Variants in CTNND2 observed in about 807,000 individuals in gnomAD.
CTNND2 encodes the protein catenin delta-2.
In CTNND2, 22 loss-of-function variants were observed where a neutral mutation model predicts 144.4. That is an observed-to-expected ratio of 0.15 (90% confidence interval 0.11 to 0.22). CTNND2 has a LOEUF of 0.22. CTNND2 is among the 10% of genes least tolerant of loss of function. The pLI is 1.00. For missense variants in CTNND2, 1,353 were observed against 1,618.8 expected (o/e 0.84, Z 2.82); for synonymous variants, 751 against 695.6 (o/e 1.08, Z -1.25).
chr5:11,820,291 A>C (rs1006443143), intron 1 of CTNND2, among the ~76,000 whole-genome samples: 1 of 152,220 alleles, frequency 6.6e-6, no homozygotes, highest in African/African-American at 2.4e-5. Flanking sequence ...CTTGAGATCC[A>C]AGGCTGCCTC....
intron 16 of CTNND2, among the ~76,000 whole-genome samples, chr5:11,082,441 C>T (rs1749673474): frequency 6.6e-6 from 1 of 152,200 alleles, no homozygotes; most frequent in African/African-American, 2.4e-5. Context: ...CAACGGTATC[C>T]TGTGCCGAGC....
intron 3 of CTNND2, among the ~76,000 whole-genome samples, chr5:11,454,955 A>G (rs1201547738): frequency 6.6e-6 from 1 of 151,362 alleles, no homozygotes; most frequent in African/African-American, 2.4e-5. Context: ...TAAAAATCAG[A>G]AAAAAAAATT....
At chr5:11,344,727 G>C (rs1346161656) in intron 9 of CTNND2, among the ~76,000 whole-genome samples, 1 of 151,776 alleles carries the variant, frequency 6.6e-6, no homozygotes, top group East Asian at 1.9e-4. Context: ...TTGGTTTATA[G>C]CAGGCACTCA....
chr5:11,003,453 G>A (rs564970352), intron 18 of CTNND2, among the ~76,000 whole-genome samples: 28 of 152,264 alleles, frequency 1.8e-4, no homozygotes, highest in Admixed American at 5.9e-4. Context: ...TTTTTGAGTG[G>A]AAGAAACCTA....
At chr5:11,293,696 A>G (rs1748600570) in intron 9 of CTNND2, among the ~76,000 whole-genome samples, 1 of 150,998 alleles carries the variant, frequency 6.6e-6, no homozygotes. Context: ...TTCCTTTGCT[A>G]TTTCAAACAG....
At chr5:11,103,269 A>AC (rs1752097685) in intron 14 of CTNND2, among the ~76,000 whole-genome samples, 1 of 152,010 alleles carries the variant, frequency 6.6e-6, no homozygotes. Flanking sequence ...GGCATGAGCC[A>AC]CCGCACCCGG....
At chr5:11,762,520 T>A (rs1397193267) in intron 1 of CTNND2, among the ~76,000 whole-genome samples, 5 of 152,226 alleles carry the variant, frequency 3.3e-5, no homozygotes, top group Admixed American at 2.6e-4. Context: ...AAAAGAATTA[T>A]TTTGAAAAGT....
intron 1 of CTNND2, among the ~76,000 whole-genome samples, chr5:11,820,430 G>A (rs1283279858): frequency 6.6e-6 from 1 of 152,180 alleles, no homozygotes; most frequent in Non-Finnish European, 1.5e-5. Flanking sequence ...TTAATACTTA[G>A]AAAATAGTAT....
intron 8 of CTNND2, among the ~76,000 whole-genome samples, chr5:11,363,071 A>T (rs1272293287): frequency 6.6e-6 from 1 of 152,250 alleles, no homozygotes; most frequent in Non-Finnish European, 1.5e-5. Flanking sequence ...TTAAAAATGC[A>T]GTCATCATTC....
chr5:11,539,468 T>A (rs1015635613), intron 3 of CTNND2, among the ~76,000 whole-genome samples: 3 of 152,218 alleles, frequency 2.0e-5, no homozygotes. Context: ...TTATCACCTA[T>A]AATAACTTGC....
chr5:11,183,561 G>GTT (rs397940050), intron 11 of CTNND2, among the ~76,000 whole-genome samples: 3 of 142,344 alleles, frequency 2.1e-5, no homozygotes, highest in South Asian at 2.3e-4. Context: ...TTTTTTTTTG[G>GTT]TTTTTTTTTT....
chr5:11,297,453 T>G lies in CTNND2; in HGVS notation c.1628+48919A>C, dbSNP rs77246758. On this transcript the variant is annotated intron_variant, in intron 9 of 21. Transcript: ENST00000304623. ...CAGCTGTCTTCCACAGAGCTGGTCA[T>G]TAAAGACATTTGCAAAATTATAAAA... is the stretch of plus-strand genomic sequence containing the variant. Among the ~76,000 whole-genome samples the G allele has an allele frequency of 4.5e-3, 688 of 152,300 alleles. 2 individuals are homozygous for G. The highest frequency in any genetic ancestry group is 0.016 in the African/African-American group (655 of 41,574).
intron 9 of CTNND2, among the ~76,000 whole-genome samples, chr5:11,306,937 G>A (rs1750284743): frequency 6.6e-6 from 1 of 152,118 alleles, no homozygotes; most frequent in East Asian, 1.9e-4. Flanking sequence ...GTGTCCCTGC[G>A]GGAGCATGCT....
Position 11,420,691 on chromosome 5 carries a change from G to A in CTNND2, c.288-8622C>T, listed in dbSNP as rs182858993. On this transcript the variant is annotated intron_variant, in intron 3 of 21. Transcript: ENST00000304623. ...TCGTGGAACTGACTTCCCTTTGGTC[G>A]GCTGCCTGTGGTCTCTATACTTGTC... Among the ~76,000 whole-genome samples, 43 of 152,230 alleles carry A rather than the reference G, an allele frequency of 2.8e-4. No homozygotes were observed. The East Asian group carries it at 6.0e-3, about 21-fold the overall frequency.
intron 1 of CTNND2, among the ~76,000 whole-genome samples, chr5:11,860,723 C>T (rs150387931): frequency 1.3e-5 from 2 of 152,236 alleles, no homozygotes; most frequent in African/African-American, 4.8e-5. Flanking sequence ...TTTATTCAAG[C>T]AGTGACATAA....
intron 1 of CTNND2, among the ~76,000 whole-genome samples, chr5:11,810,109 T>C (rs934190685): frequency 6.6e-6 from 1 of 152,184 alleles, no homozygotes; most frequent in Non-Finnish European, 1.5e-5. Context: ...CCAACTTGAA[T>C]GTGACATTCT....
At chr5:11,322,303 G>C (rs534240800) in intron 9 of CTNND2, among the ~76,000 whole-genome samples, 1 of 152,032 alleles carries the variant, frequency 6.6e-6, no homozygotes, top group Non-Finnish European at 1.5e-5. Flanking sequence ...TCATTTTCCC[G>C]CAGAGGTCCC....
Position 11,564,993 on chromosome 5 carries a change from G to C in CTNND2, c.238C>G (p.Leu80Val), listed in dbSNP as rs1192812595. The change falls in exon 3 of 22, where the codon CTG becomes GTG. Residue 80 changes from leucine (L) to valine (V), a missense_variant. Coordinates refer to ENST00000304623, the MANE Select transcript of CTNND2 (RefSeq NM_001332.4). ...EAERQIVASQ[L>V]ERCKLGSETG... ...TCGGATCCGAGCTTGCATCGCTCCA[G>C]CTGGCTGGCTACGATCTGCCGTTCA... 6.2e-7 allele frequency: 1 copy of C among 1,614,006 alleles called. No individual in the cohort carries two copies. The highest frequency in any genetic ancestry group is 8.5e-7 in the Non-Finnish European group (1 of 1,179,990).
intron 9 of CTNND2, among the ~76,000 whole-genome samples, chr5:11,340,153 T>G (rs1754101394): frequency 6.6e-6 from 1 of 152,174 alleles, no homozygotes; most frequent in Admixed American, 6.5e-5. Flanking sequence ...CCTGGAAAGC[T>G]TTATCTCAGT....
Sources: gnomAD v4.1 joint callset for allele counts (sites outside exome capture counted in the v4.1 genomes callset) on GRCh38, gnomAD v4.1.1 for gene constraint, MANE v1.5 for transcripts, NCBI Gene and HGNC (gene_info 2026-07-23, HGNC 2026-07-21) for gene names.